The following PSMA6 variants were observed in gnomAD, a reference collection of about 807,000 sequenced individuals.
PSMA6 encodes proteasome subunit alpha type-6.
For missense variants in PSMA6, 170 were observed against 294.8 expected (o/e 0.58, Z 3.10); for synonymous variants, 88 against 97.7 (o/e 0.90, Z 0.59).
intron 4 of PSMA6, chr14:35,311,115 A>G (rs776912088): frequency 1.2e-5 from 5 of 420,412 alleles, no homozygotes; most frequent in Admixed American, 4.2e-5. Flanking sequence ...CTTTTTATCA[A>G]AGTATTTCCA....
chr14:35,305,212 G>A (rs561079714), intron 1 of PSMA6, among the ~76,000 whole-genome samples: 7 of 150,682 alleles, frequency 4.6e-5, no homozygotes, highest in African/African-American at 9.7e-5. Context: ...GTGTGAGCAC[G>A]GCTCACTGCA....
At chr14:35,314,296 A>G (rs954996881) in intron 5 of PSMA6, 65 bp from the exon 6 acceptor site, 20 of 1,445,000 alleles carry the variant, frequency 1.4e-5, no homozygotes, top group Non-Finnish European at 1.7e-5. Context: ...TGAATAAGCT[A>G]GGAATGAGAA....
At chr14:35,304,942 G>A (rs537840558) in intron 1 of PSMA6, among the ~76,000 whole-genome samples, 132 of 152,102 alleles carry the variant, frequency 8.7e-4, no homozygotes, top group African/African-American at 3.1e-3. Flanking sequence ...ATTAGGCATG[G>A]TGATACCCAC....
In PSMA6 at chr14:35,292,448, A is replaced by T; in HGVS notation, c.-29A>T. On this transcript the variant is annotated 5_prime_UTR_variant, in exon 1 of 7. Coordinates refer to ENST00000261479, the MANE Select transcript of PSMA6 (RefSeq NM_002791.3). Reference sequence around the variant, plus strand: ...GGTGCGGGAGCTACGGGGCCCAGGGATTGTGTTTAAAGTAGTGCTTCTACC... The same window carrying T: ...GGTGCGGGAGCTACGGGGCCCAGGGTTTGTGTTTAAAGTAGTGCTTCTACC... 1 of 1,604,602 alleles carries T rather than the reference A, an allele frequency of 6.2e-7. No individual in the cohort carries two copies. Among genetic ancestry groups the T allele is most frequent in the Non-Finnish European group, 8.5e-7 (1 of 1,175,534 alleles).
intron 1 of PSMA6, among the ~76,000 whole-genome samples, chr14:35,300,837 C>A (rs1200298619): frequency 6.6e-6 from 1 of 152,050 alleles, no homozygotes; most frequent in African/African-American, 2.4e-5. Flanking sequence ...AGAGTGATAA[C>A]CCAGGTTTGT....
chr14:35,312,201 A>G (rs1293675224), intron 4 of PSMA6, among the ~76,000 whole-genome samples: 1 of 11,408 alleles, frequency 8.8e-5, no homozygotes, highest in East Asian at 0.012. Flanking sequence ...TCGTCTCCTA[A>G]AAAAAAAAAA....
intron 1 of PSMA6, among the ~76,000 whole-genome samples, chr14:35,295,448 CTT>C (rs762364057): frequency 5.7e-5 from 8 of 140,660 alleles, no homozygotes; most frequent in Non-Finnish European, 9.4e-5. Flanking sequence ...AAGACTTTTT[CTT>C]TTTTTTTTTT....
chr14:35,292,414 T>C lies in PSMA6; in HGVS notation c.-63T>C, dbSNP rs150017841. ...GTCGCTGCAACTTCCGGGAGGTGCT[T>C]GTGTGCCTGGTGCGGGAGCTACGGG... On this transcript the variant is annotated 5_prime_UTR_variant, in exon 1 of 7. Coordinates refer to ENST00000261479, the MANE Select transcript of PSMA6 (RefSeq NM_002791.3). 7.6e-6 allele frequency: 12 copies of C among 1,573,516 alleles called. No individual in the cohort carries two copies. Among genetic ancestry groups the C allele is most frequent in the African/African-American group, 1.4e-5 (1 of 73,454 alleles).
intron 1 of PSMA6, among the ~76,000 whole-genome samples, chr14:35,283,795 T>G (rs1189585279): frequency 6.6e-6 from 1 of 152,086 alleles, no homozygotes; most frequent in African/African-American, 2.4e-5. Flanking sequence ...CTCAAACTCC[T>G]GGGCTCAAGC....
intron 4 of PSMA6, 26 bp from the exon 5 acceptor site, chr14:35,312,855 T>G: frequency 1.3e-6 from 2 of 1,554,030 alleles, no homozygotes; most frequent in Non-Finnish European, 1.7e-6. Flanking sequence ...GCTAAAACAT[T>G]TAATTAGGGT....
intron 3 of PSMA6, among the ~76,000 whole-genome samples, chr14:35,309,719 T>C (rs1275788832): frequency 6.6e-6 from 1 of 151,978 alleles, no homozygotes; most frequent in African/African-American, 2.4e-5. Flanking sequence ...TTGCTTGAAC[T>C]CGGGAGGCAG....
intron 1 of PSMA6, among the ~76,000 whole-genome samples, chr14:35,302,462 T>C (rs1488541250): frequency 1.3e-5 from 2 of 152,200 alleles, no homozygotes; most frequent in Admixed American, 6.5e-5. Flanking sequence ...CAAAATTTTT[T>C]CTATTTTTGG....
chr14:35,297,285 T>G (rs1278469358), intron 1 of PSMA6, among the ~76,000 whole-genome samples: 2 of 152,010 alleles, frequency 1.3e-5, no homozygotes, highest in Non-Finnish European at 2.9e-5. Flanking sequence ...TTGCAATCTC[T>G]GCTCACTGCA....
At chr14:35,315,537 C>T (rs2138761826) in intron 6 of PSMA6, 1 of 151,944 alleles carries the variant, frequency 6.6e-6, no homozygotes, top group Non-Finnish European at 1.5e-5. Context: ...CCACTGCACT[C>T]TAGCCTGGGT....
chr14:35,314,949 G>GTGTGTGTGTT (rs1555338348), intron 6 of PSMA6: 1 of 142,792 alleles, frequency 7.0e-6, no homozygotes, highest in Non-Finnish European at 1.5e-5. Flanking sequence ...GTTGCTGGAT[G>GTGTGTGTGTT]TGTGTGTGTG....
chr14:35,279,452 C>T (rs995462496), intron 1 of PSMA6, among the ~76,000 whole-genome samples: 19 of 152,228 alleles, frequency 1.2e-4, no homozygotes, highest in Non-Finnish European at 2.5e-4. Flanking sequence ...GCTGTATACT[C>T]ACAAACTGCT....
In PSMA6 at chr14:35,312,952, T is replaced by G; in HGVS notation, c.481T>G (p.Cys161Gly). 1.3e-6 allele frequency: 2 copies of G among 1,592,392 alleles called. No homozygotes were observed. Among genetic ancestry groups the G allele is most frequent in the Non-Finnish European group, 1.7e-6 (2 of 1,172,754 alleles). ...TAAGTGTGATCCTGCAGGTTACTAC[T>G]GTGGGTTTAAAGCCACTGCAGCGGG... ...VYKCDPAGYY[C>G]GFKATAAGVK... The change falls in exon 5 of 7, where the codon TGT becomes GGT. Residue 161 changes from cysteine (C) to glycine (G), a missense_variant. Physicochemically the swap from Cys to Gly is radical, Grantham distance 159 (BLOSUM62 -3). Coordinates refer to ENST00000261479, the MANE Select transcript of PSMA6 (RefSeq NM_002791.3).
intron 4 of PSMA6, among the ~76,000 whole-genome samples, chr14:35,311,611 T>C (rs571918093): frequency 5.9e-5 from 9 of 152,352 alleles, no homozygotes; most frequent in East Asian, 1.9e-4. Context: ...GTTGCCCTTA[T>C]ATTTTGTATA....
chr14:35,285,355 CAA>C (rs3058486), intron 1 of PSMA6, among the ~76,000 whole-genome samples: 4 of 141,820 alleles, frequency 2.8e-5, no homozygotes, highest in African/African-American at 5.7e-5. Flanking sequence ...AAACAAAAAA[CAA>C]AAAAAAAAAC....
Sources: allele counts gnomAD v4.1 joint callset (sites outside exome capture counted in the v4.1 genomes callset), GRCh38; gene constraint gnomAD v4.1.1; transcripts MANE v1.5; gene names NCBI Gene and HGNC (gene_info 2026-07-23, HGNC 2026-07-21).